Variants in FOXK1 observed in about 807,000 individuals in gnomAD.
The protein encoded by FOXK1 is forkhead box K1, also known as forkhead box protein K1.
FOXK1 carries 19 observed loss-of-function variants against 51.9 expected under a neutral mutation model. The observed-to-expected ratio is 0.37, with a 90% confidence interval of 0.26 to 0.54. FOXK1 has a LOEUF of 0.54. Among genes scored for constraint, FOXK1 ranks in the 20% least tolerant of loss-of-function variants. The pLI is 0.87. For missense variants in FOXK1, 870 were observed against 1,032.7 expected (o/e 0.84, Z 2.16); for synonymous variants, 537 against 482.6 (o/e 1.11, Z -1.48).
At position 4,765,089 on chromosome 7, in the gene FOXK1, T is replaced by C. The variant is rs11763090; in HGVS notation, c.*2625T>C. On this transcript the variant is annotated 3_prime_UTR_variant, in exon 9 of 9. Coordinates refer to ENST00000328914, the MANE Select transcript of FOXK1 (RefSeq NM_001037165.2). Reference sequence around the variant, plus strand: ...GACTGCAAAGAGGGATGAAGGGACGTGGTCCTAGGGGTCGGCTCAGACTCG... The same window carrying C: ...GACTGCAAAGAGGGATGAAGGGACGCGGTCCTAGGGGTCGGCTCAGACTCG... 0.14 allele frequency: 22,185 copies of C among 153,420 alleles called. 2,147 individuals carry two copies. Among genetic ancestry groups the C allele is most frequent in the African/African-American group, 0.27 (11,360 of 41,522 alleles). The allele number at this position is 153,420 out of a possible 1,614,324, so 9.5% of individuals were successfully genotyped here.
rs541107265 is a variant in FOXK1, at chr7:4,739,788, G to T, written c.561-1050G>T. Reference sequence around the variant, plus strand: ...TGTCAGATCTTCTAGGCAGTGGCAGGGAATCATCTTGAAAATGTCTGCATA... The same window carrying T: ...TGTCAGATCTTCTAGGCAGTGGCAGTGAATCATCTTGAAAATGTCTGCATA... On this transcript the variant is annotated intron_variant, in intron 1 of 8. Coordinates refer to ENST00000328914, the MANE Select transcript of FOXK1 (RefSeq NM_001037165.2). 2.0e-5 allele frequency among the ~76,000 whole-genome samples: 3 copies of T among 152,328 alleles called. No individual in the cohort carries two copies. In the East Asian group the frequency reaches 5.8e-4, roughly 29 times the overall value.
intron 1 of FOXK1, among the ~76,000 whole-genome samples, chr7:4,691,784 C>T (rs538460144): frequency 6.6e-6 from 1 of 152,324 alleles, no homozygotes; most frequent in South Asian, 2.1e-4. Flanking sequence ...CCAGAAACCT[C>T]AGTGGCTCCC....
rs1370455737 is a variant in FOXK1, at chr7:4,753,085, C to A, written c.747-1374C>A. Among the ~76,000 whole-genome samples, 1 of 152,174 alleles carries A rather than the reference C, an allele frequency of 6.6e-6. No individual in the cohort carries two copies. The highest frequency in any genetic ancestry group is 1.5e-5 in the Non-Finnish European group (1 of 68,032). ...CTATCTCTGCCATATTTGGGGAGTC[C>A]GTTGTAAGAGAGAATGGGAATTCCA... On this transcript the variant is annotated intron_variant, in intron 2 of 8. Coordinates refer to ENST00000328914, the MANE Select transcript of FOXK1 (RefSeq NM_001037165.2). The surrounding 1 kb of genome is among the most constrained non-coding windows in gnomAD (Gnocchi z 4.9).
At chr7:4,737,294 A>G (rs1004892645) in intron 1 of FOXK1, among the ~76,000 whole-genome samples, 1 of 152,238 alleles carries the variant, frequency 6.6e-6, no homozygotes, top group Non-Finnish European at 1.5e-5. Context: ...ATAGGAGAAC[A>G]TGGTCTGTTT....
chr7:4,728,883 C>T (rs1229244655), intron 1 of FOXK1, among the ~76,000 whole-genome samples: 1 of 152,180 alleles, frequency 6.6e-6, no homozygotes, highest in Non-Finnish European at 1.5e-5. Context: ...GCAGATAAAC[C>T]AGCGTCTGGT....
Position 4,736,871 on chromosome 7 carries a change from C to T in FOXK1, c.561-3967C>T, listed in dbSNP as rs1427773175. ...GTGGCGTTCACCTTTGTCTCAAATC[C>T]GCACACCTTACGGCTCTCATTCCTG... On this transcript the variant is annotated intron_variant, in intron 1 of 8. Coordinates refer to ENST00000328914, the MANE Select transcript of FOXK1 (RefSeq NM_001037165.2). Among the ~76,000 whole-genome samples, 7 of 152,276 alleles carry T rather than the reference C, an allele frequency of 4.6e-5. 1 individual carries two copies. In the South Asian group the frequency reaches 8.3e-4, roughly 18 times the overall value.
rs990016088 is a variant in FOXK1, at chr7:4,692,584, C to G, written c.560+9716C>G. On this transcript the variant is annotated intron_variant, in intron 1 of 8. Transcript: ENST00000328914. ...GCTAATTTTGTATTTTTAGTAGAGA[C>G]AGGGTTTCATCATGTAAGCCAGCTG... Among the ~76,000 whole-genome samples, 48 of 151,658 alleles carry G rather than the reference C, an allele frequency of 3.2e-4. 1 individual carries two copies. Among genetic ancestry groups the G allele is most frequent in the African/African-American group, 1.2e-3 (48 of 41,266 alleles).
rs1780859172 is a variant in FOXK1, at chr7:4,756,800, T to C, written c.1051-194T>C. Among the ~76,000 whole-genome samples the C allele has an allele frequency of 6.6e-6, 1 of 150,476 alleles. No homozygotes were observed. The highest frequency in any genetic ancestry group is 1.5e-5 in the Non-Finnish European group (1 of 67,718). On this transcript the variant is annotated intron_variant, in intron 4 of 8. Coordinates refer to ENST00000328914, the MANE Select transcript of FOXK1 (RefSeq NM_001037165.2). This position sits in a 1 kb window ranked among gnomAD's most constrained non-coding sequence, Gnocchi z 4.1. ...AAGGTAAAATGGTAATTATGCGGTG[T>C]CAAATTTTGATAGGAATGACCTGCC...
At chr7:4,687,220 C>A (rs1779831056) in intron 1 of FOXK1, among the ~76,000 whole-genome samples, 1 of 152,068 alleles carries the variant, frequency 6.6e-6, no homozygotes, top group Non-Finnish European at 1.5e-5. Flanking sequence ...GCGTGAGCCA[C>A]CACGCCCGGC....
intron 5 of FOXK1, among the ~76,000 whole-genome samples, chr7:4,757,634 CAAAAAAAAAAAAAAA>C (rs59200954): frequency 0.014 from 292 of 20,222 alleles, 4 homozygotes; most frequent in Middle Eastern, 0.083. Flanking sequence ...AACTCCGTCT[CAAAAAAAAAAAAAAA>C]AAAAAAAAAA....
At chr7:4,738,969 C>T (rs1583203349) in intron 1 of FOXK1, among the ~76,000 whole-genome samples, 1 of 152,194 alleles carries the variant, frequency 6.6e-6, no homozygotes, top group South Asian at 2.1e-4. Context: ...CGCAAGAGGA[C>T]CCCCTGCCGA....
intron 1 of FOXK1, among the ~76,000 whole-genome samples, chr7:4,687,231 CT>C (rs753500872): frequency 2.5e-4 from 38 of 151,758 alleles, no homozygotes; most frequent in Admixed American, 1.6e-3. Flanking sequence ...CACGCCCGGC[CT>C]TTTTTTTCCT....
At chr7:4,718,751 C>T (rs1039967219) in intron 1 of FOXK1, among the ~76,000 whole-genome samples, 1 of 152,220 alleles carries the variant, frequency 6.6e-6, no homozygotes, top group Non-Finnish European at 1.5e-5. Context: ...TGCAGCCTCA[C>T]CAGCATTTGC....
rs971735828 is a variant in FOXK1, at chr7:4,749,413, T to C, written c.747-5046T>C. 2.0e-5 allele frequency among the ~76,000 whole-genome samples: 3 copies of C among 152,190 alleles called. No individual in the cohort carries two copies. Among genetic ancestry groups the C allele is most frequent in the African/African-American group, 4.8e-5 (2 of 41,456 alleles). On this transcript the variant is annotated intron_variant, in intron 2 of 8. Coordinates refer to ENST00000328914, the MANE Select transcript of FOXK1 (RefSeq NM_001037165.2). The surrounding 1 kb of genome is among the most constrained non-coding windows in gnomAD (Gnocchi z 6.0). ...AAAAACCCTCTTAGAGCGGCTGGTA[T>C]TGGAGCAGGGGCTGGGGCAGGGACC... is the stretch of plus-strand genomic sequence containing the variant.
Position 4,756,418 on chromosome 7 carries a change from G to C in FOXK1, c.1051-576G>C, listed in dbSNP as rs573912192. Among the ~76,000 whole-genome samples the C allele has an allele frequency of 6.6e-6, 1 of 151,800 alleles. No homozygotes were observed. Among genetic ancestry groups the C allele is most frequent in the Admixed American group, 6.6e-5 (1 of 15,256 alleles). Reference sequence around the variant, plus strand: ...GGCGTGAGCCACTGTGCCCGGCCAAGACCCAGTGTTTTCTTTCTCCCAGAT... The same window carrying C: ...GGCGTGAGCCACTGTGCCCGGCCAACACCCAGTGTTTTCTTTCTCCCAGAT... On this transcript the variant is annotated intron_variant, in intron 4 of 8. Transcript: ENST00000328914. This position sits in a 1 kb window ranked among gnomAD's most constrained non-coding sequence, Gnocchi z 4.1.
rs147928729 is a variant in FOXK1 at position 4,757,144 on chromosome 7, G to C, written c.1201G>C (p.Gly401Arg). 1 of 1,612,546 alleles carries C rather than the reference G, an allele frequency of 6.2e-7. No individual in the cohort carries two copies. Among genetic ancestry groups the C allele is most frequent in the Non-Finnish European group, 8.5e-7 (1 of 1,179,764 alleles). Residue 401 changes from glycine to arginine, a missense_variant, in exon 5 of 9, where the codon GGT becomes CGT. Around this residue, in one of 3 missense-constraint regions of FOXK1, gnomAD observed 457 missense variants for 510.8 expected, o/e 0.89. Transcript: ENST00000328914. ...GGCATTCCGGAAACGGAGGCAGAGG[G>C]GTGTCTCCTGCTTCCGCACCCCCTT... Reference protein sequence around the residue: ...EQAFRKRRQRGVSCFRTPFGP... With the variant: ...EQAFRKRRQRRVSCFRTPFGP...
At chr7:4,728,408 T>C (rs1426605011) in intron 1 of FOXK1, among the ~76,000 whole-genome samples, 1 of 152,222 alleles carries the variant, frequency 6.6e-6, no homozygotes, top group Non-Finnish European at 1.5e-5. Flanking sequence ...TCATTCCACT[T>C]CACATGTAAA....
intron 1 of FOXK1, among the ~76,000 whole-genome samples, chr7:4,724,741 C>T (rs1449897391): frequency 2.6e-5 from 4 of 152,204 alleles, no homozygotes; most frequent in Non-Finnish European, 4.4e-5. Flanking sequence ...CCTCAGTGTT[C>T]AGCATGGTTG....
At chr7:4,684,592 C>T (rs948989749) in intron 1 of FOXK1, among the ~76,000 whole-genome samples, 3 of 152,166 alleles carry the variant, frequency 2.0e-5, no homozygotes, top group Non-Finnish European at 4.4e-5. Context: ...AATACACTCT[C>T]TCCGTTTGGG....
Sources: allele counts gnomAD v4.1 joint callset (sites outside exome capture counted in the v4.1 genomes callset), GRCh38; gene constraint gnomAD v4.1.1; regional missense constraint gnomAD v4.1.1; non-coding constraint Gnocchi (gnomAD v3.1); transcripts MANE v1.5; gene names NCBI Gene and HGNC (gene_info 2026-07-23, HGNC 2026-07-21).